Variants in GARRE1 observed in about 807,000 individuals in gnomAD.
GARRE1 encodes granule associated Rac and RHOG effector 1, also known as granule associated Rac and RHOG effector protein 1.
GARRE1 carries 49 observed loss-of-function variants against 103.2 expected under a neutral mutation model. That is an observed-to-expected ratio of 0.47 (90% CI 0.38 to 0.60). The LOEUF is 0.60. Ranked by LOEUF, GARRE1 falls within the 20% of genes least tolerant of loss-of-function variation. The probability of loss-of-function intolerance (pLI) is 0.00; values close to 1 mark genes in which losing one functional copy is unlikely to be tolerated. For missense variants in GARRE1, 1,199 were observed against 1,370.5 expected, an observed-to-expected ratio of 0.87 and a Z score of 1.98; for synonymous variants, 505 against 532.8, an observed-to-expected ratio of 0.95 and a Z score of 0.72.
intron 1 of GARRE1, among the ~76,000 whole-genome samples, chr19:34,293,715 AACACACACAC>A (rs146336774): frequency 9.0e-5 from 9 of 100,472 alleles, no homozygotes; most frequent in Admixed American, 2.8e-4. Flanking sequence ...TAAACATATA[AACACACACAC>A]ACACACACAC....
intron 1 of GARRE1, among the ~76,000 whole-genome samples, chr19:34,274,203 C>T (rs1447826710): frequency 2.0e-5 from 3 of 151,852 alleles, no homozygotes; most frequent in East Asian, 3.9e-4. Flanking sequence ...GTTGGGAGTT[C>T]GAGATCAGCC....
chr19:34,352,769 C>T lies in GARRE1; in HGVS notation c.3027C>T (p.Asn1009=), dbSNP rs370309689. ...YAVTSPGSQW[N]DTMQMLQSPV... ...TCACCAGCCCTGGCAGCCAGTGGAA[C>T]GACACCATGCAGATGCTGCAGTCCC... The change falls in exon 14 of 14, where the codon AAC becomes AAT. Residue 1009 remains asparagine (N), a synonymous_variant. Coordinates refer to ENST00000299505, the MANE Select transcript of GARRE1 (RefSeq NM_014686.5). The T allele has an allele frequency of 3.0e-5, 48 of 1,614,012 alleles. No individual in the cohort carries two copies. Among genetic ancestry groups the T allele is most frequent in the African/African-American group, 9.3e-5 (7 of 74,902 alleles).
At chr19:34,290,743 C>A (rs1174708484) in intron 1 of GARRE1, among the ~76,000 whole-genome samples, 2 of 152,004 alleles carry the variant, frequency 1.3e-5, no homozygotes, top group African/African-American at 4.8e-5. Context: ...TCCAGCTTGG[C>A]CTCCCAAAGC....
At chr19:34,313,287 T>C (rs1318605449) in intron 2 of GARRE1, among the ~76,000 whole-genome samples, 2 of 152,052 alleles carry the variant, frequency 1.3e-5, no homozygotes, top group East Asian at 3.9e-4. Context: ...ACATTTACAG[T>C]CAGAAGATGA....
chr19:34,300,917 T>C lies in GARRE1; in HGVS notation c.444T>C (p.Ala148=), dbSNP rs62122214. Residue 148 remains alanine, a synonymous_variant, in exon 2 of 14, where the codon GCT becomes GCC. Coordinates refer to ENST00000299505, the MANE Select transcript of GARRE1 (RefSeq NM_014686.5). Reference sequence around the variant, plus strand: ...CCAAGATGCTAATGGAACTTAGTGCTGGGGCTGCAAATTTTACGGATCAGA... The same window carrying C: ...CCAAGATGCTAATGGAACTTAGTGCCGGGGCTGCAAATTTTACGGATCAGA... ...EIAKMLMELS[A]GAANFTDQKE... The C allele has an allele frequency of 2.6e-3, 4,152 of 1,606,848 alleles. 10 individuals carry two copies. The highest frequency in any genetic ancestry group is 0.017 in the Middle Eastern group (102 of 6,060).
intron 2 of GARRE1, among the ~76,000 whole-genome samples, chr19:34,311,595 A>C (rs561627689): frequency 2.6e-5 from 4 of 152,120 alleles, no homozygotes; most frequent in Non-Finnish European, 5.9e-5. Context: ...TTAGAAAAAA[A>C]TAAACATAAT....
chr19:34,297,073 G>GGCCA (rs1258241024), intron 1 of GARRE1, among the ~76,000 whole-genome samples: 1 of 152,144 alleles, frequency 6.6e-6, no homozygotes, highest in Non-Finnish European at 1.5e-5. Flanking sequence ...GATCACTTGA[G>GGCCA]GCCAGGAGTT....
At chr19:34,269,457 G>T (rs1413590146) in intron 1 of GARRE1, among the ~76,000 whole-genome samples, 1 of 152,294 alleles carries the variant, frequency 6.6e-6, no homozygotes, top group Non-Finnish European at 1.5e-5. Flanking sequence ...CTATCCGCCT[G>T]AGTTTTCATA....
intron 12 of GARRE1, among the ~76,000 whole-genome samples, chr19:34,351,169 A>T (rs34552790): frequency 6.7e-6 from 1 of 149,822 alleles, no homozygotes; most frequent in Non-Finnish European, 1.5e-5. Context: ...ACTGCACTCC[A>T]GCCTGGGAAA....
At chr19:34,336,509 C>T (rs1599779069) in intron 8 of GARRE1, among the ~76,000 whole-genome samples, 2 of 150,994 alleles carry the variant, frequency 1.3e-5, no homozygotes. Flanking sequence ...TTCTTGTTGC[C>T]CACACTGGAG....
chr19:34,340,762 C>T (rs562918202), intron 9 of GARRE1, among the ~76,000 whole-genome samples: 95 of 152,278 alleles, frequency 6.2e-4, no homozygotes, highest in Admixed American at 1.4e-3. Context: ...ACCTCAAGTG[C>T]CTGCCTCGGC....
chr19:34,307,022 G>T (rs529589931), intron 2 of GARRE1, among the ~76,000 whole-genome samples: 2 of 152,140 alleles, frequency 1.3e-5, no homozygotes, highest in Non-Finnish European at 2.9e-5. Context: ...GATTCCAGGC[G>T]GAGGGAGCGC....
chr19:34,342,101 T>C lies in GARRE1; in HGVS notation c.2167T>C (p.Ser723Pro), dbSNP rs751332737. Residue 723 changes from serine to proline, a missense_variant, in exon 10 of 14, where the codon TCC becomes CCC. Coordinates refer to ENST00000299505, the MANE Select transcript of GARRE1 (RefSeq NM_014686.5). ...GCCGGGACTGGCACCTCAGCAGCAG[T>C]CCCCAAAGCAGCAACAACCTCAAGT... ...PQPGLAPQQQ[S>P]PKQQQPQVQY... 1.9e-6 allele frequency: 3 copies of C among 1,613,880 alleles called. No homozygotes were observed. The highest frequency in any genetic ancestry group is 4.5e-5 in the East Asian group (2 of 44,868).
chr19:34,296,827 G>A (rs1440720881), intron 1 of GARRE1, among the ~76,000 whole-genome samples: 1 of 151,852 alleles, frequency 6.6e-6, no homozygotes, highest in East Asian at 1.9e-4. Flanking sequence ...TTTTATTTTT[G>A]GGGACAGAGT....
rs1272959312 is a variant in GARRE1 at position 34,349,017 on chromosome 19, G to A, written c.2689G>A (p.Asp897Asn). The A allele has an allele frequency of 1.9e-6, 3 of 1,610,526 alleles. No individual in the cohort carries two copies. Among genetic ancestry groups the A allele is most frequent in the Non-Finnish European group, 2.5e-6 (3 of 1,179,970 alleles). Residue 897 changes from aspartate to asparagine, a missense_variant and splice_region_variant, in exon 12 of 14, where the codon GAT becomes AAT. Asp to Asn is a conservative substitution (Grantham distance 23, BLOSUM62 1). Transcript: ENST00000299505. ...CCAGCTTCTCTCTCTGGCTTTCAGG[G>A]ATGGCCTGCACGGTGGCTGGTCGGG... Reference protein sequence around the residue: ...WPFPEFFTEGDGLHGGWSGAQ... With the variant: ...WPFPEFFTEGNGLHGGWSGAQ...
rs778258992 is a variant in GARRE1, at chr19:34,300,748, G to A, written c.275G>A (p.Arg92His). ...CTGGATGCCCTGAACGTCTTCTGCC[G>A]TGCCAGTACTTTCCTCACAGATCTC... ...KYLDALNVFCRASTFLTDLFS... is the reference protein window; with the variant it reads ...KYLDALNVFCHASTFLTDLFS... Residue 92 changes from arginine (R) to histidine (H), a missense_variant, in exon 2 of 14, where the codon CGT becomes CAT. Arg to His is a conservative substitution (Grantham distance 29). Transcript: ENST00000299505. 1.2e-5 allele frequency: 19 copies of A among 1,614,052 alleles called. No individual in the cohort carries two copies. The highest frequency in any genetic ancestry group is 6.7e-5 in the East Asian group (3 of 44,902).
At chr19:34,271,632 G>A (rs1297621144) in intron 1 of GARRE1, among the ~76,000 whole-genome samples, 2 of 152,156 alleles carry the variant, frequency 1.3e-5, no homozygotes, top group Non-Finnish European at 2.9e-5. Flanking sequence ...AGCCGAGGCA[G>A]AAGGATTGCT....
chr19:34,319,999 C>T lies in GARRE1; in HGVS notation c.588C>T (p.Cys196=). The T allele has an allele frequency of 1.2e-6, 2 of 1,614,216 alleles. No homozygotes were observed. The highest frequency in any genetic ancestry group is 1.7e-6 in the Non-Finnish European group (2 of 1,180,042). The change falls in exon 3 of 14, where the codon TGC becomes TGT. Residue 196 remains cysteine (C), a synonymous_variant. Coordinates refer to ENST00000299505, the MANE Select transcript of GARRE1 (RefSeq NM_014686.5). ...LQKVQPVAHS[C]FAEVIVPEKK... is the part of the protein sequence containing the mutation. ...AGGTCCAGCCGGTGGCTCACTCTTG[C>T]TTTGCTGAGGTCATCGTGCCAGAAA...
At chr19:34,268,870 G>A (rs1295003553) in intron 1 of GARRE1, among the ~76,000 whole-genome samples, 4 of 151,928 alleles carry the variant, frequency 2.6e-5, no homozygotes, top group African/African-American at 2.4e-5. Flanking sequence ...ACTTATTAAC[G>A]TAGTGACTGT....
Sources: allele counts gnomAD v4.1 joint callset (sites outside exome capture counted in the v4.1 genomes callset), GRCh38; gene constraint gnomAD v4.1.1; transcripts MANE v1.5; gene names NCBI Gene and HGNC (gene_info 2026-07-23, HGNC 2026-07-21).